The following VTI1B variants were observed in gnomAD, a reference collection of about 807,000 sequenced individuals.
VTI1B encodes the protein vesicle transport through interaction with t-SNAREs 1B.
A neutral mutation model predicts 28.6 loss-of-function variants in VTI1B; 18 were observed. That is an observed-to-expected ratio of 0.63 (90% CI 0.43 to 0.93). The LOEUF (loss-of-function observed/expected upper bound fraction) is 0.93, where lower values mean the gene tolerates loss of function less well. Ranked by LOEUF, VTI1B falls within the 40% of genes least tolerant of loss-of-function variation. The probability of loss-of-function intolerance (pLI) is 0.00; values close to 1 mark genes in which losing one functional copy is unlikely to be tolerated. For synonymous variants in VTI1B, 100 were observed against 107.9 expected (o/e 0.93, Z 0.46); for missense variants, 283 against 297.0 (o/e 0.95, Z 0.35).
Position 67,648,062 on chromosome 14 carries a change from C to T in VTI1B, c.*3323G>A. The T allele has an allele frequency of 6.2e-7, 1 of 1,612,456 alleles. No homozygotes were observed. Among genetic ancestry groups the T allele is most frequent in the Non-Finnish European group, 8.5e-7 (1 of 1,179,068 alleles). Reference sequence around the variant, plus strand: ...TCCTTTTTAGGAGACAAAGACCAATCCATTTGAGTTTTGATATTGATGCAT... The same window carrying T: ...TCCTTTTTAGGAGACAAAGACCAATTCATTTGAGTTTTGATATTGATGCAT... On this transcript the variant is annotated 3_prime_UTR_variant, in exon 6 of 6. Coordinates refer to ENST00000554659, the MANE Select transcript of VTI1B (RefSeq NM_006370.3).
rs951606072 is a variant in VTI1B, at chr14:67,649,511, T to C, written c.*1874A>G. 1 of 152,208 alleles carries C rather than the reference T, an allele frequency of 6.6e-6. No individual in the cohort carries two copies. The highest frequency in any genetic ancestry group is 2.4e-5 in the African/African-American group (1 of 41,520). The allele number at this position is 152,208 out of a possible 1,614,324, so 9.4% of individuals were successfully genotyped here. A position where few individuals can be genotyped will look rare whatever the true frequency, so the allele number is the denominator to read the frequency against. ...GGCAATAGTCTGGAAACATAAGTCATGTATATATTTCTAATAGTGCAAACT... is the reference window on the plus strand; with the variant it reads ...GGCAATAGTCTGGAAACATAAGTCACGTATATATTTCTAATAGTGCAAACT... On this transcript the variant is annotated 3_prime_UTR_variant, in exon 6 of 6. Transcript: ENST00000554659.
intron 2 of VTI1B, among the ~76,000 whole-genome samples, chr14:67,662,014 G>A (rs933786002): frequency 5.9e-5 from 9 of 152,072 alleles, no homozygotes; most frequent in African/African-American, 2.2e-4. Flanking sequence ...AAAACAGCCA[G>A]GTGTGGTGGC....
intron 3 of VTI1B, among the ~76,000 whole-genome samples, chr14:67,659,072 C>T (rs554894980): frequency 3.3e-5 from 5 of 152,304 alleles, no homozygotes; most frequent in Admixed American, 2.0e-4. Context: ...ATTCCTTTAA[C>T]GATCTAGCTG....
chr14:67,674,302 G>A, intron 1 of VTI1B, 73 bp downstream of exon 1: 4 of 1,375,358 alleles, frequency 2.9e-6, no homozygotes, highest in Non-Finnish European at 3.9e-6. Flanking sequence ...GGGTCTGGGA[G>A]GAAGGTGGGA....
At chr14:67,654,020 G>A (rs1327151499) in intron 4 of VTI1B, among the ~76,000 whole-genome samples, 1 of 152,148 alleles carries the variant, frequency 6.6e-6, no homozygotes, top group Non-Finnish European at 1.5e-5. Context: ...CTGGACAGCT[G>A]GAGGATATTT....
At chr14:67,663,248 A>G (rs2037361449) in intron 1 of VTI1B, 1 of 1,175,994 alleles carries the variant, frequency 8.5e-7, no homozygotes, top group Admixed American at 2.2e-5. Context: ...CTAAAACAGT[A>G]TTGTCTTAAT....
chr14:67,651,184 TA>T lies in VTI1B; in HGVS notation c.*200del. On this transcript the variant is annotated 3_prime_UTR_variant, in exon 6 of 6. Transcript: ENST00000554659. ...TCATAAACAGCATTTATTACCTTGG[TA>T]TATCATACTGGTCTTGTTGCTGTTG... 9.6e-7 allele frequency: 1 copy of T among 1,040,812 alleles called. No homozygotes were observed. Among genetic ancestry groups the T allele is most frequent in the Non-Finnish European group, 1.4e-6 (1 of 736,966 alleles). 64.5% of individuals were successfully genotyped at this position (1,040,812 alleles called of 1,614,324 possible).
intron 4 of VTI1B, among the ~76,000 whole-genome samples, chr14:67,653,945 A>G (rs1349844559): frequency 6.6e-6 from 1 of 152,204 alleles, no homozygotes; most frequent in Non-Finnish European, 1.5e-5. Context: ...CCCTCTTAAG[A>G]GACAGTTACA....
At position 67,648,055 on chromosome 14, in the gene VTI1B, G is replaced by A; in HGVS notation, c.*3330C>T. ...ATCCTCTTCCTTTTTAGGAGACAAAGACCAATCCATTTGAGTTTTGATATT... is the reference window on the plus strand; with the variant it reads ...ATCCTCTTCCTTTTTAGGAGACAAAAACCAATCCATTTGAGTTTTGATATT... On this transcript the variant is annotated 3_prime_UTR_variant, in exon 6 of 6. Transcript: ENST00000554659. 6.2e-7 allele frequency: 1 copy of A among 1,611,410 alleles called. No homozygotes were observed. The highest frequency in any genetic ancestry group is 1.1e-5 in the South Asian group (1 of 90,794).
chr14:67,674,545 C>T lies in VTI1B; in HGVS notation c.-56G>A. 6.8e-7 allele frequency: 1 copy of T among 1,472,152 alleles called. No individual in the cohort carries two copies. Among genetic ancestry groups the T allele is most frequent in the Middle Eastern group, 2.5e-4 (1 of 4,054 alleles). The allele number at this position is 1,472,152 out of a possible 1,614,324, so 91.2% of individuals were successfully genotyped here. A position where few individuals can be genotyped will look rare whatever the true frequency, so the allele number is the denominator to read the frequency against. On this transcript the variant is annotated 5_prime_UTR_variant, in exon 1 of 6. Transcript: ENST00000554659. ...GAGATTCGGGGCCCTGGGCCCTTTC[C>T]TAGCCCGGCGGTCAGCCGCCCAGCC... is the stretch of plus-strand genomic sequence containing the variant.
Position 67,648,395 on chromosome 14 carries a change from G to A in VTI1B, c.*2990C>T. On this transcript the variant is annotated 3_prime_UTR_variant, in exon 6 of 6. Coordinates refer to ENST00000554659, the MANE Select transcript of VTI1B (RefSeq NM_006370.3). ...CATGGCTCTTACCAAATTACACTAA[G>A]GTAATAATGAGTAAAAAATTGTATA... 6 of 416,486 alleles carry A rather than the reference G, an allele frequency of 1.4e-5. No homozygotes were observed. Among genetic ancestry groups the A allele is most frequent in the South Asian group, 1.6e-4 (2 of 12,472 alleles). 25.8% of individuals were successfully genotyped at this position (416,486 alleles called of 1,614,324 possible).
chr14:67,651,396 G>GA lies in VTI1B; in HGVS notation c.687dup (p.Arg230SerfsTer22). On this transcript the variant is annotated frameshift_variant, in exon 6 of 6. Coordinates refer to ENST00000554659, the MANE Select transcript of VTI1B (RefSeq NM_006370.3). LOFTEE classifies it high-confidence loss of function. ...TTCCCTATAGAAGTTCAATGGCTGCGAAAGAATTTGTAGTAAACCAGGCCT... is the reference window on the plus strand; with the variant it reads ...TTCCCTATAGAAGTTCAATGGCTGCGAAAAGAATTTGTAGTAAACCAGGCCT... 1 of 1,613,862 alleles carries GA rather than the reference G, an allele frequency of 6.2e-7. No individual in the cohort carries two copies. The highest frequency in any genetic ancestry group is 1.1e-5 in the South Asian group (1 of 91,066).
rs974294391 is a variant in VTI1B at position 67,662,964 on chromosome 14, CCA to C, written c.116-431_116-430del. ...GACTCTCTGAAACCCCTCACCACTC[CCA>C]CAGTGAACCACTTCTATGTTAACTC... On this transcript the variant is annotated intron_variant, in intron 1 of 5. Coordinates refer to ENST00000554659, the MANE Select transcript of VTI1B (RefSeq NM_006370.3). 8 of 1,358,266 alleles carry C rather than the reference CCA, an allele frequency of 5.9e-6. No individual in the cohort carries two copies. In the African/African-American group the frequency reaches 9.0e-5, roughly 15 times the overall value. The allele number at this position is 1,358,266 out of a possible 1,614,324, so 84.1% of individuals were successfully genotyped here.
chr14:67,662,915 A>AAG (rs1555384202), intron 1 of VTI1B: 21 of 1,281,866 alleles, frequency 1.6e-5, no homozygotes, highest in South Asian at 9.7e-5. Context: ...AAAAAAAAAA[A>AAG]AAAAAAGAAT....
At chr14:67,671,922 C>A (rs922754362) in intron 1 of VTI1B, among the ~76,000 whole-genome samples, 1 of 152,218 alleles carries the variant, frequency 6.6e-6, no homozygotes, top group Non-Finnish European at 1.5e-5. Flanking sequence ...ATGGTCTAAT[C>A]ATTTCTTATG....
chr14:67,664,464 AC>A (rs2037376480), intron 1 of VTI1B, among the ~76,000 whole-genome samples: 1 of 151,498 alleles, frequency 6.6e-6, no homozygotes, highest in South Asian at 2.1e-4. Context: ...ACTCCTAAAC[AC>A]AAGCCAGCAG....
At chr14:67,663,300 A>C in intron 1 of VTI1B, 1 of 693,622 alleles carries the variant, frequency 1.4e-6, no homozygotes, top group Non-Finnish European at 2.3e-6. Context: ...TCCATCTAAA[A>C]TATGATAGCA....
At chr14:67,667,739 T>C (rs1308148690) in intron 1 of VTI1B, among the ~76,000 whole-genome samples, 1 of 152,072 alleles carries the variant, frequency 6.6e-6, no homozygotes, top group Non-Finnish European at 1.5e-5. Context: ...GGTCAGGAGA[T>C]CGAGACCATC....
chr14:67,655,964 G>A (rs560153597), intron 4 of VTI1B, among the ~76,000 whole-genome samples: 8 of 152,112 alleles, frequency 5.3e-5, no homozygotes, highest in South Asian at 4.1e-4. Flanking sequence ...TGAGCAAAGC[G>A]GCCGGGCACA....
Sources: allele counts gnomAD v4.1 joint callset (sites outside exome capture counted in the v4.1 genomes callset), GRCh38; gene constraint gnomAD v4.1.1; transcripts MANE v1.5; gene names NCBI Gene and HGNC (gene_info 2026-07-23, HGNC 2026-07-21).